The following SAMSN1 variants were observed in gnomAD, a reference collection of about 807,000 sequenced individuals.
SAMSN1 encodes the protein SAM domain, SH3 domain and nuclear localization signals 1, also known as SAM domain-containing protein SAMSN-1.
SAMSN1 carries 31 observed loss-of-function variants against 42.0 expected under a neutral mutation model. The observed-to-expected ratio is 0.74, with a 90% CI of 0.55 to 1.00. The LOEUF is 1.00. Ranked by LOEUF, SAMSN1 falls within the 50% of genes least tolerant of loss-of-function variation. The pLI is 0.00. For synonymous variants in SAMSN1, 178 were observed against 151.9 expected, an observed-to-expected ratio of 1.17 and a Z score of -1.26; for missense variants, 464 against 439.4, an observed-to-expected ratio of 1.06 and a Z score of -0.50.
upstream of SAMSN1, among the ~76,000 whole-genome samples, chr21:14,546,941 T>A (rs1362027965): frequency 4.6e-5 from 7 of 152,040 alleles, no homozygotes; most frequent in African/African-American, 7.2e-5. Context: ...GATCTCCTGA[T>A]CTCGTGATCC....
intron 2 of SAMSN1, among the ~76,000 whole-genome samples, chr21:14,576,072 C>A (rs1309822838): frequency 2.0e-5 from 3 of 152,050 alleles, no homozygotes; most frequent in African/African-American, 7.2e-5. Flanking sequence ...ACTTTGTCTG[C>A]AGTAAAGAGT....
chr21:14,552,232 C>CT lies in SAMSN1; in HGVS notation c.261+29903dup, dbSNP rs566696318. On this transcript the variant is annotated intron_variant, in intron 2 of 8. Transcript: ENST00000285670. Reference sequence around the variant, plus strand: ...CTACCCTTGATAATAATCATTGTCTCTAATTTTATGCTTACAAAAATGGGT... The same window carrying CT: ...CTACCCTTGATAATAATCATTGTCTCTTAATTTTATGCTTACAAAAATGGGT... Among the ~76,000 whole-genome samples, 520 of 152,186 alleles carry CT rather than the reference C, an allele frequency of 3.4e-3. 2 individuals are homozygous for CT. Among genetic ancestry groups the CT allele is most frequent in the African/African-American group, 0.012 (494 of 41,542 alleles).
rs573510735 is a variant in SAMSN1, at chr21:14,644,927, C to T, written c.25-1794G>A. The stretch of plus-strand genomic sequence containing the variant: ...GGTGGTATGGCTACAGAGTGAGGCT[C>T]CTCTGTCTTTAAAAACTGGAGAGAA... On this transcript the variant is annotated intron_variant, in intron 1 of 15. Coordinates refer to the SAMSN1 transcript ENST00000647101. 2.5e-4 allele frequency among the ~76,000 whole-genome samples: 38 copies of T among 152,232 alleles called. 1 individual carries two copies. In the East Asian group the frequency reaches 6.8e-3, roughly 27 times the overall value.
intron 1 of SAMSN1, among the ~76,000 whole-genome samples, chr21:14,542,917 A>G (rs1372218373): frequency 2.6e-5 from 4 of 152,084 alleles, no homozygotes; most frequent in African/African-American, 9.7e-5. Flanking sequence ...CACCACATCA[A>G]CTCCAGCCTG....
chr21:14,575,171 G>C (rs1378125841), intron 2 of SAMSN1, among the ~76,000 whole-genome samples: 1 of 152,102 alleles, frequency 6.6e-6, no homozygotes, highest in Non-Finnish European at 1.5e-5. Context: ...ATAAATGAAT[G>C]AATAAGCCAT....
At chr21:14,628,952 A>T (rs1204684455) in intron 2 of SAMSN1, among the ~76,000 whole-genome samples, 2 of 152,212 alleles carry the variant, frequency 1.3e-5, no homozygotes, top group Admixed American at 6.5e-5. Context: ...AAACAGAGGC[A>T]CAGAGCAGTC....
At chr21:14,544,268 C>CT (rs1354570095) in intron 1 of SAMSN1, among the ~76,000 whole-genome samples, 1 of 152,124 alleles carries the variant, frequency 6.6e-6, no homozygotes, top group East Asian at 1.9e-4. Flanking sequence ...CCAGACTGGG[C>CT]TGGAACTCCT....
intron 2 of SAMSN1, among the ~76,000 whole-genome samples, chr21:14,569,129 T>G (rs954551179): frequency 2.7e-5 from 4 of 150,516 alleles, no homozygotes; most frequent in African/African-American, 7.3e-5. Flanking sequence ...CATTTCTATT[T>G]AAAAAAAAAA....
At chr21:14,606,760 C>A (rs1255463804) in intron 5 of SAMSN1, among the ~76,000 whole-genome samples, 9 of 152,140 alleles carry the variant, frequency 5.9e-5, no homozygotes, top group Non-Finnish European at 1.3e-4. Context: ...AGATAAAAAT[C>A]TCCTTAGAAG....
At chr21:14,635,801 G>A (rs62227244) in intron 2 of SAMSN1, among the ~76,000 whole-genome samples, 20,851 of 151,956 alleles carry the variant, frequency 0.14, 1,481 homozygotes, top group East Asian at 0.19. Flanking sequence ...TTTGATGCTC[G>A]CTGCAAACCA....
intron 1 of SAMSN1, among the ~76,000 whole-genome samples, chr21:14,531,501 A>C (rs1979265723): frequency 6.6e-6 from 1 of 151,926 alleles, no homozygotes; most frequent in South Asian, 2.1e-4. Context: ...ATAATCAGAG[A>C]GAGGAAATCT....
At chr21:14,596,181 A>T (rs112637440) in intron 6 of SAMSN1, among the ~76,000 whole-genome samples, 1,562 of 152,266 alleles carry the variant, frequency 0.01, 26 homozygotes, top group South Asian at 0.073. Flanking sequence ...TATGATCTTA[A>T]TTTTATTTCA....
chr21:14,631,907 G>C (rs1983340283), intron 2 of SAMSN1, among the ~76,000 whole-genome samples: 1 of 151,946 alleles, frequency 6.6e-6, no homozygotes, highest in African/African-American at 2.4e-5. Flanking sequence ...GTAGAAGAAG[G>C]AATAAGAAGA....
intron 1 of SAMSN1, among the ~76,000 whole-genome samples, chr21:14,651,105 G>A (rs573390162): frequency 1.2e-4 from 19 of 152,024 alleles, no homozygotes; most frequent in African/African-American, 4.3e-4. Flanking sequence ...AACCTTTAAA[G>A]AAGAATTAAT....
intron 1 of SAMSN1, among the ~76,000 whole-genome samples, chr21:14,650,916 A>T (rs557397859): frequency 5.9e-5 from 9 of 152,088 alleles, no homozygotes; most frequent in East Asian, 3.9e-4. Flanking sequence ...CAATATATTT[A>T]AAAAATCTAG....
chr21:14,557,035 C>T (rs959081713), intron 2 of SAMSN1, among the ~76,000 whole-genome samples: 1 of 152,156 alleles, frequency 6.6e-6, no homozygotes, highest in African/African-American at 2.4e-5. Flanking sequence ...TGTTATGTTT[C>T]CAAGAGCATG....
chr21:14,626,981 C>T (rs144933034), intron 2 of SAMSN1, among the ~76,000 whole-genome samples: 30 of 152,200 alleles, frequency 2.0e-4, no homozygotes, highest in African/African-American at 7.2e-4. Context: ...TTTGTAGGGA[C>T]ATGAATGAAG....
intron 7 of SAMSN1, among the ~76,000 whole-genome samples, chr21:14,491,785 C>T (rs1986698620): frequency 6.6e-6 from 1 of 152,074 alleles, no homozygotes; most frequent in Admixed American, 6.5e-5. Context: ...ATTTAATTTT[C>T]AGCTGTTTTT....
At chr21:14,588,812 A>T (rs1981999196) in intron 7 of SAMSN1, among the ~76,000 whole-genome samples, 1 of 152,076 alleles carries the variant, frequency 6.6e-6, no homozygotes, top group Admixed American at 6.6e-5. Flanking sequence ...ATTGTTACCA[A>T]TCTAGTTTAA....
Sources: gnomAD v4.1 joint callset for allele counts (sites outside exome capture counted in the v4.1 genomes callset) on GRCh38, gnomAD v4.1.1 for gene constraint, MANE v1.5 for transcripts, NCBI Gene and HGNC (gene_info 2026-07-23, HGNC 2026-07-21) for gene names.